Variants in USP7 observed in about 807,000 individuals in gnomAD.
USP7 encodes the protein ubiquitin specific peptidase 7, also known as ubiquitin C-terminal hydrolase 7.
Under a neutral mutation model 162.9 loss-of-function variants are expected in USP7, and 9 were observed. The ratio of observed to expected loss-of-function variants is 0.06; its 90% CI spans 0.03 to 0.10. The LOEUF (loss-of-function observed/expected upper bound fraction) is 0.10, where lower values mean the gene tolerates loss of function less well. Among genes scored for constraint, USP7 ranks in the 10% least tolerant of loss-of-function variants. USP7 has a pLI of 1.00. For missense variants in USP7, 715 were observed against 1,373.7 expected (o/e 0.52, Z 7.58); for synonymous variants, 562 against 475.9 (o/e 1.18, Z -2.35).
intron 4 of USP7, among the ~76,000 whole-genome samples, chr16:8,920,955 C>T (rs770650286): frequency 6.6e-6 from 1 of 152,142 alleles, no homozygotes; most frequent in Admixed American, 6.5e-5. Context: ...GAATGTCTGA[C>T]TAAAAAGTGA....
chr16:8,927,040 C>A (rs959045283), intron 2 of USP7, among the ~76,000 whole-genome samples: 12 of 152,128 alleles, frequency 7.9e-5, no homozygotes, highest in African/African-American at 2.9e-4. Flanking sequence ...GTAGGCCGGG[C>A]GCAGTGGCTC....
intron 1 of USP7, among the ~76,000 whole-genome samples, chr16:8,938,317 C>A (rs1463965174): frequency 6.8e-6 from 1 of 147,674 alleles, no homozygotes; most frequent in Admixed American, 6.8e-5. Flanking sequence ...GATTCACACA[C>A]AGTCTTAAGA....
chr16:8,901,320 G>GA (rs60094465), intron 18 of USP7, 86 bp from the exon 19 acceptor site: 290 of 663,382 alleles, frequency 4.4e-4, no homozygotes, highest in African/African-American at 5.8e-4. Flanking sequence ...ACAAAAAAAC[G>GA]AAAAAAAAAA....
At chr16:8,899,350 T>C (rs1331440138) in intron 22 of USP7, 162 bp from the exon 23 acceptor site, 2 of 759,792 alleles carry the variant, frequency 2.6e-6, no homozygotes, top group Non-Finnish European at 2.1e-6. Context: ...TGAATCACCA[T>C]GGGAGTAGCA....
chr16:8,956,724 C>T (rs1177082380), intron 1 of USP7, among the ~76,000 whole-genome samples: 1 of 151,880 alleles, frequency 6.6e-6, no homozygotes, highest in East Asian at 1.9e-4. Flanking sequence ...GATCGTCCCA[C>T]TGCACTCCAG....
At chr16:8,894,517 C>T in intron 30 of USP7, 33 bp downstream of exon 30, 1 of 1,551,610 alleles carries the variant, frequency 6.4e-7, no homozygotes, top group Non-Finnish European at 8.7e-7. Flanking sequence ...GTCTGAAACC[C>T]ACACCAGCCC....
intron 21 of USP7, 145 bp from the exon 22 acceptor site, chr16:8,899,902 A>ATC (rs2061746947): frequency 1.0e-6 from 1 of 966,746 alleles, no homozygotes; most frequent in Admixed American, 2.3e-5. Flanking sequence ...GGGGCCAGGC[A>ATC]TCTGCCTGAG....
In USP7 at chr16:8,963,361, G is replaced by C. The variant is rs187035552; in HGVS notation, c.-76C>G. ...CCGGCGGGCGGGCGGCGGCGAGCCGGGGCGGCGGCGGCGGCGGCGGCGGCG... is the reference window on the plus strand; with the variant it reads ...CCGGCGGGCGGGCGGCGGCGAGCCGCGGCGGCGGCGGCGGCGGCGGCGGCG... On this transcript the variant is annotated 5_prime_UTR_variant, in exon 1 of 31. Coordinates refer to ENST00000344836, the MANE Select transcript of USP7 (RefSeq NM_003470.3). The C allele has an allele frequency of 2.2e-6, 1 of 448,260 alleles. No homozygotes were observed. The highest frequency in any genetic ancestry group is 2.9e-6 in the Non-Finnish European group (1 of 343,154). 27.8% of individuals were successfully genotyped at this position (448,260 alleles called of 1,614,324 possible).
chr16:8,946,069 G>A (rs1394951955), intron 1 of USP7, among the ~76,000 whole-genome samples: 2 of 152,058 alleles, frequency 1.3e-5, no homozygotes, highest in East Asian at 1.9e-4. Flanking sequence ...AACGGACAAA[G>A]ACAGTCTCTA....
intron 1 of USP7, among the ~76,000 whole-genome samples, chr16:8,939,173 T>C (rs1218027100): frequency 1.3e-5 from 2 of 152,098 alleles, no homozygotes; most frequent in African/African-American, 2.4e-5. Context: ...TGTGTAGATT[T>C]GTGTGTCCAC....
chr16:8,928,915 G>A (rs950172154), intron 2 of USP7, among the ~76,000 whole-genome samples: 3 of 152,122 alleles, frequency 2.0e-5, no homozygotes, highest in Non-Finnish European at 2.9e-5. Context: ...ATGACCGCAA[G>A]TGGAGGGCAG....
intron 1 of USP7, among the ~76,000 whole-genome samples, chr16:8,930,739 C>T (rs554389664): frequency 3.3e-5 from 5 of 152,244 alleles, no homozygotes; most frequent in East Asian, 1.9e-4. Flanking sequence ...GAGGCCAAGG[C>T]GGACAGATCA....
intron 1 of USP7, among the ~76,000 whole-genome samples, chr16:8,934,914 G>A (rs770031572): frequency 3.9e-5 from 6 of 152,210 alleles, no homozygotes; most frequent in South Asian, 2.1e-4. Context: ...AGTTAGTTCC[G>A]CAAGAGGATT....
At chr16:8,904,385 G>T in intron 15 of USP7, 50 bp downstream of exon 15, 1 of 1,603,296 alleles carries the variant, frequency 6.2e-7, no homozygotes, top group East Asian at 2.2e-5. Context: ...GTATAGAGAT[G>T]GGTGCCCGGC....
At chr16:8,940,812 C>T (rs774542875) in intron 1 of USP7, among the ~76,000 whole-genome samples, 35 of 152,182 alleles carry the variant, frequency 2.3e-4, no homozygotes, top group South Asian at 1.7e-3. Context: ...GACATGGTGG[C>T]GCACACCTGT....
intron 15 of USP7, 133 bp downstream of exon 15, chr16:8,904,302 G>C: frequency 6.8e-7 from 1 of 1,476,582 alleles, no homozygotes; most frequent in South Asian, 1.3e-5. Flanking sequence ...ACCTGCACTT[G>C]CGTACAGAGA....
intron 1 of USP7, among the ~76,000 whole-genome samples, chr16:8,939,353 C>T (rs767399360): frequency 5.9e-5 from 9 of 152,178 alleles, no homozygotes; most frequent in Non-Finnish European, 1.0e-4. Flanking sequence ...TAAATGGACA[C>T]AGTGTGGAAT....
chr16:8,947,009 T>C (rs932332475), intron 1 of USP7, among the ~76,000 whole-genome samples: 3 of 152,224 alleles, frequency 2.0e-5, no homozygotes, highest in African/African-American at 7.2e-5. Context: ...TTAACCTTCA[T>C]TAAGTTACCA....
intron 11 of USP7, among the ~76,000 whole-genome samples, chr16:8,909,164 T>A (rs577427642): frequency 1.3e-5 from 2 of 152,224 alleles, no homozygotes; most frequent in Admixed American, 1.3e-4. Context: ...CACTGCTCCA[T>A]CTTGGCCAGC....
Sources: allele counts gnomAD v4.1 joint callset (sites outside exome capture counted in the v4.1 genomes callset), GRCh38; gene constraint gnomAD v4.1.1; transcripts MANE v1.5; gene names NCBI Gene and HGNC (gene_info 2026-07-23, HGNC 2026-07-21).